HECW2: variants seen among roughly 807,000 people sequenced by gnomAD.
HECW2 encodes HECT, C2 and WW domain containing E3 ubiquitin protein ligase 2.
A neutral mutation model predicts 175.2 loss-of-function variants in HECW2; 61 were observed. The ratio of observed to expected loss-of-function variants is 0.35; its 90% CI spans 0.28 to 0.43. HECW2 has a LOEUF of 0.43. Ranked by LOEUF, HECW2 falls within the 20% of genes least tolerant of loss-of-function variation. The pLI is 1.00. For synonymous variants in HECW2, 671 were observed against 731.0 expected, an observed-to-expected ratio of 0.92 and a Z score of 1.32; for missense variants, 1,524 against 2,000.5, an observed-to-expected ratio of 0.76 and a Z score of 4.54.
In HECW2 at chr2:196,318,610, A is replaced by G. The variant is rs1205866029; in HGVS notation, c.2280T>C (p.Ala760=). The G allele has an allele frequency of 1.9e-6, 3 of 1,573,900 alleles. No homozygotes were observed. The highest frequency in any genetic ancestry group is 2.7e-5 in the African/African-American group (2 of 73,788). Residue 760 remains alanine, a synonymous_variant, in exon 9 of 29, where the codon GCT becomes GCC. Coordinates refer to ENST00000644978, the MANE Select transcript of HECW2 (RefSeq NM_001348768.2). Reference sequence around the variant, plus strand: ...CTTCACAGGTGCCTTGGGCCTCCCCAGCACTGCCTTCTTCTTGCGGTGGGC... The same window carrying G: ...CTTCACAGGTGCCTTGGGCCTCCCCGGCACTGCCTTCTTCTTGCGGTGGGC... The part of the protein sequence containing the change: ...AESPPQEEGS[A]GEAQGTCEGA...
At position 196,247,270 on chromosome 2, in the gene HECW2, T is replaced by A. The variant is rs545819255; in HGVS notation, c.3530-5066A>T. 9.2e-5 allele frequency among the ~76,000 whole-genome samples: 14 copies of A among 152,202 alleles called. 1 individual carries two copies. Among genetic ancestry groups the A allele is most frequent in the South Asian group, 6.2e-4 (3 of 4,820 alleles). On this transcript the variant is annotated intron_variant, in intron 19 of 28. Coordinates refer to ENST00000644978, the MANE Select transcript of HECW2 (RefSeq NM_001348768.2). ...GTCTCAAAATAAATAAATAAATAAA[T>A]AAAATTACAGTAAATTATGCTGTTG...
intron 2 of HECW2, among the ~76,000 whole-genome samples, chr2:196,349,525 G>GTGTA (rs1350927434): frequency 6.6e-6 from 1 of 151,836 alleles, no homozygotes; most frequent in Non-Finnish European, 1.5e-5. Flanking sequence ...TGAAACGTGT[G>GTGTA]TGTGTGTGTG....
intron 21 of HECW2, among the ~76,000 whole-genome samples, chr2:196,230,086 T>C (rs755807089): frequency 2.0e-4 from 30 of 152,134 alleles, no homozygotes; most frequent in Non-Finnish European, 3.8e-4. Context: ...GGTGACACAA[T>C]GGACCTGCCC....
At chr2:196,440,945 T>G (rs913742657) in intron 1 of HECW2, among the ~76,000 whole-genome samples, 1 of 152,210 alleles carries the variant, frequency 6.6e-6, no homozygotes, top group South Asian at 2.1e-4. Context: ...TGATTAGGTC[T>G]GCACCATGCT....
At chr2:196,377,683 A>G (rs1694090392) in intron 2 of HECW2, among the ~76,000 whole-genome samples, 1 of 152,266 alleles carries the variant, frequency 6.6e-6, no homozygotes, top group Non-Finnish European at 1.5e-5. Flanking sequence ...TAGCCAAACC[A>G]TATCATGCAG....
intron 2 of HECW2, among the ~76,000 whole-genome samples, chr2:196,368,980 CTT>C (rs1281179050): frequency 2.0e-5 from 3 of 152,142 alleles, no homozygotes; most frequent in Non-Finnish European, 2.9e-5. Context: ...TCACCAGTGT[CTT>C]ATTTAGTTCC....
rs1686642779 is a variant in HECW2 at position 196,195,081 on chromosome 2, C to G, written c.*6196G>C. On this transcript the variant is annotated 3_prime_UTR_variant, in exon 29 of 29. Coordinates refer to ENST00000644978, the MANE Select transcript of HECW2 (RefSeq NM_001348768.2). ...TAAGCACTTTCCAACATATTAACAG[C>G]CCCAAATTTTACTTATGCTATCATA... The G allele has an allele frequency of 6.6e-6, 1 of 152,134 alleles. No individual in the cohort carries two copies. The highest frequency in any genetic ancestry group is 2.4e-5 in the African/African-American group (1 of 41,408). 9.4% of individuals were successfully genotyped at this position (152,134 alleles called of 1,614,324 possible). A position where few individuals can be genotyped will look rare whatever the true frequency, so the allele number is the denominator to read the frequency against.
rs549577306 is a variant in HECW2, at chr2:196,560,495, C to T, written c.-36+33013G>A. 3.3e-5 allele frequency among the ~76,000 whole-genome samples: 5 copies of T among 152,266 alleles called. No homozygotes were observed. The South Asian group carries it at 1.0e-3, about 32-fold the overall frequency. Reference sequence around the variant, plus strand: ...ATCTTCATATGCCCGCACTCCCTGTCCCTGTCCCAGGGAACTGAGCTTTAA... The same window carrying T: ...ATCTTCATATGCCCGCACTCCCTGTTCCTGTCCCAGGGAACTGAGCTTTAA... On this transcript the variant is annotated intron_variant, in intron 1 of 28. Coordinates refer to ENST00000644978, the MANE Select transcript of HECW2 (RefSeq NM_001348768.2).
chr2:196,234,528 G>C (rs1688170696), intron 21 of HECW2, among the ~76,000 whole-genome samples: 1 of 152,012 alleles, frequency 6.6e-6, no homozygotes. Context: ...CTCCTCGCCT[G>C]AAGCAATACT....
At chr2:196,447,341 A>G (rs2125301120) in intron 1 of HECW2, among the ~76,000 whole-genome samples, 1 of 152,260 alleles carries the variant, frequency 6.6e-6, no homozygotes, top group South Asian at 2.1e-4. Context: ...ATTAGTCCCC[A>G]TTCAACCATT....
chr2:196,194,933 A>G lies in HECW2; in HGVS notation c.*6344T>C, dbSNP rs1686638998. On this transcript the variant is annotated 3_prime_UTR_variant, in exon 29 of 29. Coordinates refer to ENST00000644978, the MANE Select transcript of HECW2 (RefSeq NM_001348768.2). ...AATAATTTTTTTACAGAGCCTTAAT[A>G]TTAAAAAGTAATCATTACTATAAAA... The G allele has an allele frequency of 6.6e-6, 1 of 152,236 alleles. No individual in the cohort carries two copies. Among genetic ancestry groups the G allele is most frequent in the Non-Finnish European group, 1.5e-5 (1 of 68,038 alleles). 9.4% of individuals were successfully genotyped at this position (152,236 alleles called of 1,614,324 possible).
chr2:196,318,519 G>A (rs1357865602), intron 9 of HECW2, 33 bp downstream of exon 9: 3 of 1,446,950 alleles, frequency 2.1e-6, no homozygotes, highest in Non-Finnish European at 2.7e-6. Context: ...AGCTACGCTC[G>A]AGCCAAGAGC....
At chr2:196,491,508 A>G (rs1256340245) in intron 1 of HECW2, among the ~76,000 whole-genome samples, 2 of 146,262 alleles carry the variant, frequency 1.4e-5, no homozygotes, top group Non-Finnish European at 3.0e-5. Flanking sequence ...ATATACACAC[A>G]CACACACACA....
At chr2:196,258,155 T>C in intron 17 of HECW2, 1 of 483,392 alleles carries the variant, frequency 2.1e-6, no homozygotes, top group Non-Finnish European at 3.7e-6. Flanking sequence ...ACTGGCTTCA[T>C]CATTTTGCTG....
intron 1 of HECW2, among the ~76,000 whole-genome samples, chr2:196,529,525 T>A (rs1014457928): frequency 7.9e-5 from 12 of 152,296 alleles, no homozygotes; most frequent in African/African-American, 2.6e-4. Context: ...CAAATGGCTA[T>A]AAGGATTTAA....
At chr2:196,542,313 T>G (rs1193617322) in intron 1 of HECW2, among the ~76,000 whole-genome samples, 3 of 142,866 alleles carry the variant, frequency 2.1e-5, no homozygotes, top group Non-Finnish European at 4.6e-5. Flanking sequence ...AAAAGTACGG[T>G]AAACAAGAGA....
chr2:196,528,273 T>C (rs1057425790), intron 1 of HECW2, among the ~76,000 whole-genome samples: 1 of 152,178 alleles, frequency 6.6e-6, no homozygotes, highest in African/African-American at 2.4e-5. Flanking sequence ...TATAAACGCA[T>C]TACCAAGCAA....
chr2:196,511,472 G>A (rs905581483), intron 1 of HECW2, among the ~76,000 whole-genome samples: 7 of 152,232 alleles, frequency 4.6e-5, no homozygotes, highest in South Asian at 4.2e-4. Context: ...TTAGTCATCC[G>A]ACAAATATGT....
chr2:196,296,549 C>T lies in HECW2; in HGVS notation c.2815-3799G>A, dbSNP rs529456141. On this transcript the variant is annotated intron_variant, in intron 13 of 28. Coordinates refer to ENST00000644978, the MANE Select transcript of HECW2 (RefSeq NM_001348768.2). ...AGATCCTGGCCCAGCATCCCACATT[C>T]TATAAACTGAACAAGGGTCTCCTAA... is the stretch of plus-strand genomic sequence containing the variant. 8.5e-5 allele frequency among the ~76,000 whole-genome samples: 13 copies of T among 152,322 alleles called. No individual in the cohort carries two copies. In the South Asian group the frequency reaches 2.7e-3, roughly 32 times the overall value.
Sources: allele counts gnomAD v4.1 joint callset (sites outside exome capture counted in the v4.1 genomes callset), GRCh38; gene constraint gnomAD v4.1.1; transcripts MANE v1.5; gene names NCBI Gene and HGNC (gene_info 2026-07-23, HGNC 2026-07-21).